Variants in DOK6 observed in about 807,000 individuals in gnomAD.
DOK6 encodes downstream of tyrosine kinase 6.
DOK6 carries 22 observed loss-of-function variants against 44.0 expected under a neutral mutation model. The ratio of observed to expected loss-of-function variants is 0.50; its 90% confidence interval spans 0.36 to 0.71. The LOEUF is 0.71. DOK6 is among the 30% of genes least tolerant of loss of function. The pLI is 0.00. For synonymous variants in DOK6, 166 were observed against 145.5 expected (o/e 1.14, Z -1.01); for missense variants, 340 against 416.4 (o/e 0.82, Z 1.60).
chr18:69,718,917 C>T (rs1381291881), intron 5 of DOK6, among the ~76,000 whole-genome samples: 1 of 151,902 alleles, frequency 6.6e-6, no homozygotes, highest in East Asian at 1.9e-4. Context: ...AATCTCTGCT[C>T]TAAATCTAAA....
intron 4 of DOK6, among the ~76,000 whole-genome samples, chr18:69,691,184 A>AAAATAAATAAATAAAT (rs149335802): frequency 1.2e-4 from 17 of 140,450 alleles, no homozygotes; most frequent in African/African-American, 2.7e-4. Context: ...ACTCTGTCTC[A>AAAATAAATAAATAAAT]AAATAAATAA....
chr18:69,496,115 C>T (rs974299292), intron 1 of DOK6, among the ~76,000 whole-genome samples: 3 of 152,172 alleles, frequency 2.0e-5, no homozygotes, highest in Non-Finnish European at 2.9e-5. Context: ...GATCTACCGC[C>T]GTGACTTGGG....
intron 2 of DOK6, among the ~76,000 whole-genome samples, chr18:69,586,185 C>G (rs1161585615): frequency 6.6e-6 from 1 of 152,166 alleles, no homozygotes; most frequent in Admixed American, 6.5e-5. Flanking sequence ...CCACAACTAG[C>G]AGAATGACTT....
chr18:69,708,165 T>G (rs560430266), intron 5 of DOK6, among the ~76,000 whole-genome samples: 1 of 152,312 alleles, frequency 6.6e-6, no homozygotes, highest in South Asian at 2.1e-4. Context: ...GAGTTGTTTT[T>G]TAATGTAGCA....
intron 3 of DOK6, among the ~76,000 whole-genome samples, chr18:69,605,588 T>C (rs1333477738): frequency 6.6e-6 from 1 of 152,170 alleles, no homozygotes; most frequent in Non-Finnish European, 1.5e-5. Context: ...CAATAAAAGG[T>C]AGTATAATTT....
Position 69,847,738 on chromosome 18 carries a change from T to A in DOK6, c.*6355T>A, listed in dbSNP as rs187251087. On this transcript the variant is annotated 3_prime_UTR_variant, in exon 8 of 8. Transcript: ENST00000382713. ...TCAGATTCACATGTATAGTGCATAG[T>A]TCAAGAAATAATGCTTACTCTTGTA... 242 of 145,436 alleles carry A rather than the reference T, an allele frequency of 1.7e-3. 1 individual carries two copies. The highest frequency in any genetic ancestry group is 5.8e-3 in the African/African-American group (228 of 39,180). The allele number at this position is 145,436 out of a possible 1,614,324, so 9.0% of individuals were successfully genotyped here. A position where few individuals can be genotyped will look rare whatever the true frequency, so the allele number is the denominator to read the frequency against.
intron 6 of DOK6, among the ~76,000 whole-genome samples, chr18:69,755,042 C>T (rs1266445457): frequency 6.6e-6 from 1 of 151,992 alleles, no homozygotes; most frequent in Non-Finnish European, 1.5e-5. Flanking sequence ...TTTTTAAATA[C>T]AAATTTTCCA....
intron 5 of DOK6, among the ~76,000 whole-genome samples, chr18:69,724,260 A>G (rs184492671): frequency 2.3e-4 from 35 of 152,338 alleles, no homozygotes; most frequent in African/African-American, 8.4e-4. Context: ...ACTTTTTATG[A>G]TGGAGTTTCT....
intron 7 of DOK6, among the ~76,000 whole-genome samples, chr18:69,776,264 C>T (rs1253937649): frequency 1.3e-5 from 2 of 151,874 alleles, no homozygotes; most frequent in East Asian, 3.9e-4. Context: ...AATTTGACAA[C>T]ATAAGATGCC....
At chr18:69,656,940 C>A (rs1250594694) in intron 3 of DOK6, among the ~76,000 whole-genome samples, 1 of 152,096 alleles carries the variant, frequency 6.6e-6, no homozygotes, top group Non-Finnish European at 1.5e-5. Flanking sequence ...TCTAACAACC[C>A]TCCAGGTATT....
intron 7 of DOK6, among the ~76,000 whole-genome samples, chr18:69,832,272 G>A (rs1207141647): frequency 2.0e-5 from 3 of 152,068 alleles, no homozygotes; most frequent in African/African-American, 4.8e-5. Flanking sequence ...TGCTTCTATA[G>A]CATCTATTAA....
intron 3 of DOK6, among the ~76,000 whole-genome samples, chr18:69,622,023 G>A (rs766346704): frequency 5.9e-5 from 9 of 152,146 alleles, no homozygotes; most frequent in Admixed American, 1.3e-4. Context: ...TGTACATATA[G>A]TAACAGATTT....
intron 4 of DOK6, among the ~76,000 whole-genome samples, chr18:69,697,042 T>C (rs1449874353): frequency 6.6e-6 from 1 of 152,182 alleles, no homozygotes; most frequent in Non-Finnish European, 1.5e-5. Flanking sequence ...TAAGCTATTG[T>C]CCAAAATATC....
chr18:69,602,645 A>G (rs1983899079), intron 3 of DOK6, among the ~76,000 whole-genome samples: 1 of 152,210 alleles, frequency 6.6e-6, no homozygotes, highest in Admixed American at 6.5e-5. Flanking sequence ...AGATGTTACT[A>G]ATAGAAGATA....
chr18:69,520,336 A>G (rs1287967310), intron 1 of DOK6, among the ~76,000 whole-genome samples: 3 of 151,908 alleles, frequency 2.0e-5, no homozygotes, highest in Non-Finnish European at 4.4e-5. Flanking sequence ...AAGCTAATGT[A>G]ATTAAATCCT....
At chr18:69,465,577 A>G (rs1330739887) in intron 1 of DOK6, among the ~76,000 whole-genome samples, 1 of 151,344 alleles carries the variant, frequency 6.6e-6, no homozygotes, top group Non-Finnish European at 1.5e-5. Context: ...TGTTCTTGTG[A>G]TAGTTCACTG....
At chr18:69,414,103 C>T (rs1259576122) in intron 1 of DOK6, among the ~76,000 whole-genome samples, 2 of 152,090 alleles carry the variant, frequency 1.3e-5, no homozygotes, top group East Asian at 3.9e-4. Flanking sequence ...TGACACGAAT[C>T]CAGAGAAGCT....
At chr18:69,532,681 G>A (rs1982017682) in intron 1 of DOK6, 1 of 152,056 alleles carries the variant, frequency 6.6e-6, no homozygotes, top group Non-Finnish European at 1.5e-5. Flanking sequence ...GACAACATAG[G>A]GAGACTCTGT....
At chr18:69,683,856 T>A (rs1410417491) in intron 4 of DOK6, among the ~76,000 whole-genome samples, 5 of 152,264 alleles carry the variant, frequency 3.3e-5, no homozygotes, top group African/African-American at 1.2e-4. Flanking sequence ...TATAATAATC[T>A]GTTTAACTTT....
Sources: gnomAD v4.1 joint callset for allele counts (sites outside exome capture counted in the v4.1 genomes callset) on GRCh38, gnomAD v4.1.1 for gene constraint, MANE v1.5 for transcripts, NCBI Gene and HGNC (gene_info 2026-07-23, HGNC 2026-07-21) for gene names.